Variants in NRCAM observed in about 807,000 individuals in gnomAD.
The protein encoded by NRCAM is neuronal cell adhesion molecule.
Under a neutral mutation model 156.5 loss-of-function variants are expected in NRCAM, and 83 were observed. That is an observed-to-expected ratio of 0.53 (90% confidence interval 0.44 to 0.64). NRCAM has a LOEUF of 0.64. Among genes scored for constraint, NRCAM ranks in the 30% least tolerant of loss-of-function variants. The pLI is 0.00. For synonymous variants in NRCAM, 538 were observed against 563.9 expected, an observed-to-expected ratio of 0.95 and a Z score of 0.65; for missense variants, 1,417 against 1,597.3, an observed-to-expected ratio of 0.89 and a Z score of 1.92.
intron 1 of NRCAM, among the ~76,000 whole-genome samples, chr7:108,432,083 G>A (rs937962996): frequency 1.3e-5 from 2 of 152,222 alleles, no homozygotes; most frequent in East Asian, 1.9e-4. Flanking sequence ...TTAGTGGACA[G>A]CCACTTGTGT....
intron 1 of NRCAM, among the ~76,000 whole-genome samples, chr7:108,401,175 G>T (rs974354403): frequency 2.0e-5 from 3 of 152,154 alleles, no homozygotes. Context: ...AGGAGGCAGA[G>T]GATTTAGTAA....
chr7:108,358,637 C>T (rs1419943408), intron 2 of NRCAM, among the ~76,000 whole-genome samples: 1 of 152,182 alleles, frequency 6.6e-6, no homozygotes, highest in Non-Finnish European at 1.5e-5. Flanking sequence ...CTGAGCCAGG[C>T]TTTCAAGTAC....
At chr7:108,197,317 G>T (rs2075679084) in intron 14 of NRCAM, among the ~76,000 whole-genome samples, 1 of 152,018 alleles carries the variant, frequency 6.6e-6, no homozygotes, top group African/African-American at 2.4e-5. Context: ...GCTTACTGAT[G>T]GTAATTTTGT....
chr7:108,344,185 G>A (rs2099326732), intron 2 of NRCAM, among the ~76,000 whole-genome samples: 1 of 152,138 alleles, frequency 6.6e-6, no homozygotes, highest in South Asian at 2.1e-4. Flanking sequence ...AGGACTAGCT[G>A]GATTTCCTAG....
At chr7:108,208,873 G>C (rs2082535446) in intron 12 of NRCAM, among the ~76,000 whole-genome samples, 1 of 152,082 alleles carries the variant, frequency 6.6e-6, no homozygotes, top group African/African-American at 2.4e-5. Flanking sequence ...TCATCACTTG[G>C]TTAAGACAGT....
intron 2 of NRCAM, among the ~76,000 whole-genome samples, chr7:108,375,063 A>G (rs1039309804): frequency 2.0e-5 from 3 of 152,262 alleles, no homozygotes; most frequent in African/African-American, 7.2e-5. Flanking sequence ...CTAGCCACCC[A>G]GCCCAGACTG....
intron 2 of NRCAM, among the ~76,000 whole-genome samples, chr7:108,383,634 G>A (rs1307552145): frequency 6.6e-6 from 1 of 152,172 alleles, no homozygotes; most frequent in Non-Finnish European, 1.5e-5. Flanking sequence ...AAAGAAGATT[G>A]AGAAATTTGA....
intron 3 of NRCAM, among the ~76,000 whole-genome samples, chr7:108,308,420 C>T (rs1213855086): frequency 1.3e-5 from 2 of 152,202 alleles, no homozygotes; most frequent in Admixed American, 6.5e-5. Flanking sequence ...GCAAAGGTCA[C>T]GCATTAGCCC....
chr7:108,297,437 A>T (rs187083167), intron 3 of NRCAM, among the ~76,000 whole-genome samples: 1 of 152,248 alleles, frequency 6.6e-6, no homozygotes, highest in South Asian at 2.1e-4. Flanking sequence ...GTCACAGAAA[A>T]TTAAAGCAGC....
intron 3 of NRCAM, among the ~76,000 whole-genome samples, chr7:108,294,193 G>GTTTTTT (rs56717039): frequency 1.1e-5 from 1 of 87,932 alleles, no homozygotes; most frequent in African/African-American, 4.2e-5. Flanking sequence ...TTCTTTACTG[G>GTTTTTT]TTTTTTTTTT....
rs552145329 is a variant in NRCAM at position 108,401,905 on chromosome 7, G to A, written c.-331-2312C>T. Among the ~76,000 whole-genome samples the A allele has an allele frequency of 2.6e-5, 4 of 152,326 alleles. No homozygotes were observed. The East Asian group carries it at 7.7e-4, about 29-fold the overall frequency. On this transcript the variant is annotated intron_variant, in intron 1 of 32. Transcript: ENST00000379028. ...AAAGTGGAAACAGAAGCCTCCTGGA[G>A]TCTCCATGGTGTGGTGCTTTCAGAT... is the stretch of plus-strand genomic sequence containing the variant.
At chr7:108,276,274 G>A (rs1384649388) in intron 3 of NRCAM, among the ~76,000 whole-genome samples, 1 of 152,174 alleles carries the variant, frequency 6.6e-6, no homozygotes, top group Non-Finnish European at 1.5e-5. Flanking sequence ...TTGAGTTCAA[G>A]TCCTGGATAT....
intron 32 of NRCAM, among the ~76,000 whole-genome samples, chr7:108,157,317 C>G (rs967598939): frequency 6.6e-6 from 1 of 152,102 alleles, no homozygotes; most frequent in Non-Finnish European, 1.5e-5. Flanking sequence ...ACTTTACCAA[C>G]ATAGCACATA....
At chr7:108,202,896 G>A (rs796439375) in intron 13 of NRCAM, among the ~76,000 whole-genome samples, 3 of 152,258 alleles carry the variant, frequency 2.0e-5, no homozygotes, top group Admixed American at 1.3e-4. Flanking sequence ...ATGCAGAAGA[G>A]TCTGACAGAC....
At chr7:108,189,940 A>G (rs1250707265) in intron 19 of NRCAM, among the ~76,000 whole-genome samples, 194 bp from the exon 20 acceptor site, 2 of 152,222 alleles carry the variant, frequency 1.3e-5, no homozygotes, top group African/African-American at 2.4e-5. Flanking sequence ...TAACCCATCA[A>G]TGAGTTCTGC....
At chr7:108,240,549 T>G (rs1304146216) in intron 3 of NRCAM, among the ~76,000 whole-genome samples, 1 of 152,206 alleles carries the variant, frequency 6.6e-6, no homozygotes, top group Non-Finnish European at 1.5e-5. Context: ...GGCTTCTCCA[T>G]TCTACAGATT....
intron 24 of NRCAM, 40 bp from the exon 25 acceptor site, chr7:108,180,467 G>T (rs414077): frequency 0.91 from 1,381,893 of 1,520,280 alleles, 628,355 homozygotes; most frequent in East Asian, 1. Context: ...GCAGAAAGGA[G>T]CAAACAAGAT....
chr7:108,432,585 C>T (rs753014368), intron 1 of NRCAM, among the ~76,000 whole-genome samples: 1 of 152,164 alleles, frequency 6.6e-6, no homozygotes, highest in Non-Finnish European at 1.5e-5. Flanking sequence ...CACTGCAATA[C>T]AGACATGGGG....
At chr7:108,216,922 G>A (rs894171967) in intron 11 of NRCAM, among the ~76,000 whole-genome samples, 16 of 152,046 alleles carry the variant, frequency 1.1e-4, no homozygotes, top group African/African-American at 2.2e-4. Context: ...CTGTCAATTC[G>A]TCAAACTCAT....
Sources: gnomAD v4.1 joint callset for allele counts (sites outside exome capture counted in the v4.1 genomes callset) on GRCh38, gnomAD v4.1.1 for gene constraint, MANE v1.5 for transcripts, NCBI Gene and HGNC (gene_info 2026-07-23, HGNC 2026-07-21) for gene names.